The following DPYSL5 variants were observed in gnomAD, a reference collection of about 807,000 sequenced individuals.
DPYSL5 encodes dihydropyrimidinase like 5.
In DPYSL5, 9 loss-of-function variants were observed where a neutral mutation model predicts 58.4. That is an observed-to-expected ratio of 0.15 (90% CI 0.09 to 0.27). The LOEUF is 0.27. DPYSL5 is among the 10% of genes least tolerant of loss of function. The pLI is 1.00. For synonymous variants in DPYSL5, 293 were observed against 301.9 expected (o/e 0.97, Z 0.31); for missense variants, 499 against 770.6 (o/e 0.65, Z 4.17).
chr2:26,932,056 AG>A, intron 6 of DPYSL5, among the ~76,000 whole-genome samples: 2 of 22,806 alleles, frequency 8.8e-5, no homozygotes, highest in Non-Finnish European at 1.9e-4. Context: ...AAGGAAAGAA[AG>A]AAAGAAAGAA....
At chr2:26,931,940 G>A (rs1306094209) in intron 6 of DPYSL5, among the ~76,000 whole-genome samples, 1 of 147,954 alleles carries the variant, frequency 6.8e-6, no homozygotes, top group African/African-American at 2.5e-5. Context: ...CCCAGGAGGC[G>A]GAGGTTGCAG....
chr2:26,945,511 TC>T (rs566563128), intron 12 of DPYSL5, among the ~76,000 whole-genome samples: 3 of 97,624 alleles, frequency 3.1e-5, no homozygotes, highest in Admixed American at 1.1e-4. Flanking sequence ...CGCCCCCCCG[TC>T]CCCCCCCGCA....
rs979773615 is a variant in DPYSL5 at position 26,933,564 on chromosome 2, G to A, written c.790+231G>A. Among the ~76,000 whole-genome samples the A allele has an allele frequency of 4.6e-5, 7 of 152,146 alleles. No individual in the cohort carries two copies. Among genetic ancestry groups the A allele is most frequent in the African/African-American group, 1.2e-4 (5 of 41,422 alleles). ...AAATTTGTATGCATAACAGCTTTAC[G>A]GAAGTGTCTGTCACTTCTCCTGGGT... On this transcript the variant is annotated intron_variant, in intron 7 of 12. Transcript: ENST00000288699. The surrounding 1 kb of genome is among the most constrained non-coding windows in gnomAD (Gnocchi z 4.2).
chr2:26,916,352 A>G (rs999888458), intron 2 of DPYSL5, among the ~76,000 whole-genome samples: 2 of 152,144 alleles, frequency 1.3e-5, no homozygotes, highest in Non-Finnish European at 2.9e-5. Context: ...GGCTTACAGC[A>G]GAGATCAAGT....
intron 1 of DPYSL5, among the ~76,000 whole-genome samples, chr2:26,881,444 C>T (rs1572684892): frequency 1.3e-5 from 2 of 152,178 alleles, no homozygotes; most frequent in Admixed American, 1.3e-4. Context: ...CCTTGCTGCT[C>T]ATCTCCTCAA....
chr2:26,906,106 C>G (rs937737955), intron 2 of DPYSL5, among the ~76,000 whole-genome samples: 7 of 152,060 alleles, frequency 4.6e-5, no homozygotes, highest in African/African-American at 1.4e-4. Flanking sequence ...TCTTCAAAGC[C>G]AGCAACAGAC....
In DPYSL5 at chr2:26,925,139, A is replaced by G; in HGVS notation, c.420+94A>G. On this transcript the variant is annotated intron_variant, in intron 3 of 12. Coordinates refer to ENST00000288699, the MANE Select transcript of DPYSL5 (RefSeq NM_020134.4). The surrounding 1 kb of genome is among the most constrained non-coding windows in gnomAD (Gnocchi z 4.5). ...GCAGTGCCTCCTGCTTGTGTGGGGC[A>G]CCCCTCCCACTACCATCCTAGCTCC... 1 of 1,467,828 alleles carries G rather than the reference A, an allele frequency of 6.8e-7. No homozygotes were observed. Among genetic ancestry groups the G allele is most frequent in the South Asian group, 1.3e-5 (1 of 76,324 alleles). The allele number at this position is 1,467,828 out of a possible 1,614,324, so 90.9% of individuals were successfully genotyped here.
Position 26,944,664 on chromosome 2 carries a change from G to T in DPYSL5, c.1449G>T (p.Lys483Asn), listed in dbSNP as rs769773408. Residue 483 changes from lysine (K) to asparagine (N), a missense_variant, in exon 12 of 13, where the codon AAG becomes AAT. Lys to Asn is a moderately conservative substitution (Grantham distance 94). This residue lies in a region of DPYSL5 where 62 missense variants were observed against 59.2 expected (regional missense o/e 1.05). Coordinates refer to ENST00000288699, the MANE Select transcript of DPYSL5 (RefSeq NM_020134.4). The surrounding 1 kb of genome is among the most constrained non-coding windows in gnomAD (Gnocchi z 4.4). ...CTTCCATCCTTCCCTAGACTTTAAAGGTTAGAGGAGTGGACCGCACTCCCT... is the reference window on the plus strand; with the variant it reads ...CTTCCATCCTTCCCTAGACTTTAAATGTTAGAGGAGTGGACCGCACTCCCT... ...KKLVQREKTL[K>N]VRGVDRTPYL... is the part of the protein sequence containing the mutation. 1.5e-5 allele frequency: 24 copies of T among 1,613,686 alleles called. No homozygotes were observed. The highest frequency in any genetic ancestry group is 1.9e-5 in the Non-Finnish European group (22 of 1,179,826).
At chr2:26,896,412 T>C (rs1397763463) in intron 1 of DPYSL5, among the ~76,000 whole-genome samples, 5 of 152,232 alleles carry the variant, frequency 3.3e-5, no homozygotes, top group African/African-American at 4.8e-5. Flanking sequence ...AGTAGTGGGA[T>C]TGCTGGACCA....
intron 12 of DPYSL5, among the ~76,000 whole-genome samples, chr2:26,945,918 C>A (rs1018244762): frequency 1.3e-5 from 2 of 152,192 alleles, no homozygotes; most frequent in Non-Finnish European, 2.9e-5. Flanking sequence ...TTGGGCCAGG[C>A]GCAGCTTGTG....
chr2:26,891,079 A>G (rs1294272596), intron 1 of DPYSL5, among the ~76,000 whole-genome samples: 4 of 152,142 alleles, frequency 2.6e-5, no homozygotes, highest in African/African-American at 9.7e-5. Flanking sequence ...TCTGGCTTTC[A>G]ATCTCTGCTC....
intron 1 of DPYSL5, among the ~76,000 whole-genome samples, chr2:26,869,600 C>T (rs1249795030): frequency 6.6e-6 from 1 of 152,174 alleles, no homozygotes; most frequent in African/African-American, 2.4e-5. Flanking sequence ...GTGAATAGAA[C>T]ATTTTTTCCT....
At position 26,942,706 on chromosome 2, in the gene DPYSL5, T is replaced by C. The variant is rs1393859194; in HGVS notation, c.1396T>C (p.Ser466Pro). Reference sequence around the variant, plus strand: ...CACCGGCAAGTTCTGTCCCCTGAGGTCCTTCCCAGACACTGTCTACAAGAA... The same window carrying C: ...CACCGGCAAGTTCTGTCCCCTGAGGCCCTTCCCAGACACTGTCTACAAGAA... ...EGTGKFCPLR[S>P]FPDTVYKKLV... is the part of the protein sequence containing the mutation. The change falls in exon 11 of 13, where the codon TCC becomes CCC. Residue 466 changes from serine to proline, a missense_variant. Around this residue, in one of 3 missense-constraint regions of DPYSL5, gnomAD observed 404 missense variants for 647.6 expected, o/e 0.62. Transcript: ENST00000288699. The surrounding 1 kb of genome is among the most constrained non-coding windows in gnomAD (Gnocchi z 5.9). The C allele has an allele frequency of 6.2e-7, 1 of 1,613,940 alleles. No individual in the cohort carries two copies. The highest frequency in any genetic ancestry group is 1.7e-5 in the Admixed American group (1 of 59,992).
intron 5 of DPYSL5, among the ~76,000 whole-genome samples, chr2:26,930,283 A>G (rs1053769283): frequency 1.1e-4 from 17 of 152,246 alleles, no homozygotes; most frequent in African/African-American, 4.1e-4. Flanking sequence ...TACAAGGGAA[A>G]GAGCAAGGCT....
At chr2:26,853,137 C>T (rs1408865448) in intron 1 of DPYSL5, among the ~76,000 whole-genome samples, 1 of 152,158 alleles carries the variant, frequency 6.6e-6, no homozygotes, top group Non-Finnish European at 1.5e-5. Flanking sequence ...CTGTTTTTAG[C>T]AGCTGAGAAC....
rs1558351269 is a variant in DPYSL5 at position 26,932,099 on chromosome 2, G to GAAAGGAAAAAAGAA, written c.714+419_714+420insGAAAAAAGAAAAAG. On this transcript the variant is annotated intron_variant, in intron 6 of 12. Transcript: ENST00000288699. ...AAAGAAAGAAAAGAAAAAAGAAAGAGAAAGAAAGAAAAGAAAAAAGAAAGA... is the reference window on the plus strand; with the variant it reads ...AAAGAAAGAAAAGAAAAAAGAAAGAGAAAGGAAAAAAGAAAAAGAAAGAAAAGAAAAAAGAAAGA... Among the ~76,000 whole-genome samples the GAAAGGAAAAAAGAA allele has an allele frequency of 3.0e-3, 218 of 72,770 alleles. 20 individuals are homozygous for GAAAGGAAAAAAGAA. Among genetic ancestry groups the GAAAGGAAAAAAGAA allele is most frequent in the African/African-American group, 9.7e-3 (192 of 19,750 alleles). 47.7% of individuals were successfully genotyped at this position (72,770 alleles called of 152,430 possible).
Position 26,933,180 on chromosome 2 carries a change from G to A in DPYSL5, c.715-78G>A, listed in dbSNP as rs991419756. 2.3e-5 allele frequency: 32 copies of A among 1,382,454 alleles called. No individual in the cohort carries two copies. The African/African-American group carries it at 3.4e-4, about 15-fold the overall frequency. The allele number at this position is 1,382,454 out of a possible 1,614,324, so 85.6% of individuals were successfully genotyped here. ...AGGGGGAGGCGCTGGTGCCAGGGCTGACTTTGCCAGGGTTATTCTGATGCT... is the reference window on the plus strand; with the variant it reads ...AGGGGGAGGCGCTGGTGCCAGGGCTAACTTTGCCAGGGTTATTCTGATGCT... On this transcript the variant is annotated intron_variant, in intron 6 of 12. Transcript: ENST00000288699. The surrounding 1 kb of genome is among the most constrained non-coding windows in gnomAD (Gnocchi z 4.2).
At chr2:26,881,357 G>A (rs925608737) in intron 1 of DPYSL5, among the ~76,000 whole-genome samples, 7 of 152,186 alleles carry the variant, frequency 4.6e-5, no homozygotes, top group Admixed American at 2.6e-4. Flanking sequence ...AGTGCCCACT[G>A]GCCTGCCACC....
intron 2 of DPYSL5, among the ~76,000 whole-genome samples, chr2:26,915,279 C>G (rs1033614668): frequency 2.0e-5 from 3 of 152,212 alleles, no homozygotes; most frequent in African/African-American, 7.2e-5. Flanking sequence ...GGCCTACTTA[C>G]TAAAGACCAG....
Sources: allele counts gnomAD v4.1 joint callset (sites outside exome capture counted in the v4.1 genomes callset), GRCh38; gene constraint gnomAD v4.1.1; regional missense constraint gnomAD v4.1.1; non-coding constraint Gnocchi (gnomAD v3.1); transcripts MANE v1.5; gene names NCBI Gene and HGNC (gene_info 2026-07-23, HGNC 2026-07-21).